The following ATP6V0E1 variants were observed in gnomAD, a reference collection of about 807,000 sequenced individuals.
ATP6V0E1 encodes the protein V-type proton ATPase subunit e 1.
Under a neutral mutation model 11.6 loss-of-function variants are expected in ATP6V0E1, and 4 were observed. The ratio of observed to expected loss-of-function variants is 0.35; its 90% CI spans 0.17 to 0.79. ATP6V0E1 has a LOEUF of 0.79. Ranked by LOEUF, ATP6V0E1 falls within the 30% of genes least tolerant of loss-of-function variation. The probability of loss-of-function intolerance (pLI) is 0.54; values close to 1 mark genes in which losing one functional copy is unlikely to be tolerated. For missense variants in ATP6V0E1, 105 were observed against 100.0 expected (o/e 1.05, Z -0.21); for synonymous variants, 36 against 34.8 (o/e 1.04, Z -0.13).
chr5:173,004,063 T>C (rs1756194529), intron 2 of ATP6V0E1, among the ~76,000 whole-genome samples: 1 of 151,474 alleles, frequency 6.6e-6, no homozygotes, highest in South Asian at 2.1e-4. Flanking sequence ...AGGGAAGGGG[T>C]AGGAGAGAAA....
chr5:173,007,892 C>G (rs555817822), intron 2 of ATP6V0E1, among the ~76,000 whole-genome samples: 4 of 152,178 alleles, frequency 2.6e-5, no homozygotes, highest in Non-Finnish European at 5.9e-5. Flanking sequence ...GTGGGAGTCC[C>G]TGTCCCCATA....
At chr5:173,025,178 T>G (rs1251634965) in intron 3 of ATP6V0E1, among the ~76,000 whole-genome samples, 1 of 144,892 alleles carries the variant, frequency 6.9e-6, no homozygotes, top group Non-Finnish European at 1.5e-5. Flanking sequence ...GACAGAGTCC[T>G]GCTCTGTTGC....
At chr5:172,993,753 C>A (rs1756021816) in intron 1 of ATP6V0E1, among the ~76,000 whole-genome samples, 1 of 137,786 alleles carries the variant, frequency 7.3e-6, no homozygotes, top group South Asian at 2.4e-4. Flanking sequence ...CACCAGTAGT[C>A]CTAGCTGCTC....
intron 3 of ATP6V0E1, 51 bp downstream of exon 3, chr5:173,020,418 T>G: frequency 1.7e-6 from 2 of 1,169,012 alleles, no homozygotes; most frequent in South Asian, 2.8e-5. Flanking sequence ...AGTCAGAGTT[T>G]GCCTTGACTT....
At chr5:173,031,008 G>A (rs1356297314) in intron 3 of ATP6V0E1, among the ~76,000 whole-genome samples, 2 of 151,522 alleles carry the variant, frequency 1.3e-5, no homozygotes, top group Non-Finnish European at 2.9e-5. Context: ...GCAGTGGTGC[G>A]ATCTCCGCTC....
intron 3 of ATP6V0E1, among the ~76,000 whole-genome samples, chr5:173,023,448 G>A (rs1278056397): frequency 6.6e-6 from 1 of 152,182 alleles, no homozygotes; most frequent in Non-Finnish European, 1.5e-5. Flanking sequence ...CACCCGCCTA[G>A]GCCTCCCAAA....
intron 1 of ATP6V0E1, among the ~76,000 whole-genome samples, chr5:172,985,244 CAAAA>C (rs59381222): frequency 2.2e-5 from 2 of 89,436 alleles, no homozygotes; most frequent in African/African-American, 3.7e-5. Context: ...GACTCCGTCT[CAAAA>C]AAAAAAAAAA....
intron 2 of ATP6V0E1, among the ~76,000 whole-genome samples, chr5:173,001,771 T>A (rs1581628085): frequency 6.6e-6 from 1 of 151,116 alleles, no homozygotes; most frequent in Non-Finnish European, 1.5e-5. Flanking sequence ...CAGGCTAGAG[T>A]GCAATGGCTG....
intron 3 of ATP6V0E1, among the ~76,000 whole-genome samples, chr5:173,032,455 A>AT (rs1169484504): frequency 6.6e-6 from 1 of 151,338 alleles, no homozygotes; most frequent in Non-Finnish European, 1.5e-5. Flanking sequence ...CAGCTGGCTA[A>AT]TTTTTTTGTA....
chr5:173,034,372 A>T, intron 3 of ATP6V0E1, 27 bp from the exon 4 acceptor site: 1 of 702,934 alleles, frequency 1.4e-6, no homozygotes, highest in Non-Finnish European at 2.6e-6. Context: ...TATGAGGACC[A>T]GTTACCAGAA....
At chr5:172,985,596 C>G (rs542703898) in intron 1 of ATP6V0E1, among the ~76,000 whole-genome samples, 32 of 152,320 alleles carry the variant, frequency 2.1e-4, no homozygotes, top group South Asian at 2.1e-4. Context: ...TCAACTGTTT[C>G]ATTACCCTAC....
chr5:173,021,494 TG>T (rs1756484533), intron 3 of ATP6V0E1, among the ~76,000 whole-genome samples: 1 of 152,094 alleles, frequency 6.6e-6, no homozygotes, highest in South Asian at 2.1e-4. Flanking sequence ...GAGAACAGTA[TG>T]GGGGAACTGC....
At chr5:172,996,952 C>CT (rs56185500) in intron 2 of ATP6V0E1, among the ~76,000 whole-genome samples, 141,594 of 145,404 alleles carry the variant, frequency 0.97, 68,972 homozygotes, top group East Asian at 0.99. Context: ...GGAATTTTTT[C>CT]TTTTTTTTTT....
chr5:173,010,852 A>G (rs1244327118), intron 2 of ATP6V0E1, among the ~76,000 whole-genome samples: 1 of 152,164 alleles, frequency 6.6e-6, no homozygotes, highest in Non-Finnish European at 1.5e-5. Flanking sequence ...CTGTTCTTAT[A>G]TCTGAATGTG....
At chr5:173,000,746 G>A (rs985036106) in intron 2 of ATP6V0E1, among the ~76,000 whole-genome samples, 1 of 150,006 alleles carries the variant, frequency 6.7e-6, no homozygotes, top group East Asian at 1.9e-4. Flanking sequence ...TGTCGACCAG[G>A]CTGGAGTGCA....
chr5:172,996,756 C>T (rs1756073275), intron 2 of ATP6V0E1, among the ~76,000 whole-genome samples: 1 of 152,050 alleles, frequency 6.6e-6, no homozygotes, highest in African/African-American at 2.4e-5. Context: ...TAAGGCATAA[C>T]ACATATGTTA....
At chr5:172,988,663 A>G (rs890537930) in intron 1 of ATP6V0E1, among the ~76,000 whole-genome samples, 3 of 152,132 alleles carry the variant, frequency 2.0e-5, no homozygotes, top group Non-Finnish European at 2.9e-5. Flanking sequence ...AGGATACGTG[A>G]AGGAGCTGAA....
At chr5:173,020,856 C>T (rs990913004) in intron 3 of ATP6V0E1, 1 of 519,992 alleles carries the variant, frequency 1.9e-6, no homozygotes, top group Non-Finnish European at 3.8e-6. Context: ...TGGTGCAAGA[C>T]AGAGCTGTGC....
chr5:172,994,764 T>G lies in ATP6V0E1; in HGVS notation c.105-11T>G. ...TTATTTAATGACATTTGCATTTTTT[T>G]TTTTTTTTAGAGTTATCATTACCAT... On this transcript the variant is annotated splice_polypyrimidine_tract_variant and intron_variant, in intron 1 of 3. Coordinates refer to ENST00000519374, the MANE Select transcript of ATP6V0E1 (RefSeq NM_003945.4). 1 of 1,587,676 alleles carries G rather than the reference T, an allele frequency of 6.3e-7. No individual in the cohort carries two copies. The highest frequency in any genetic ancestry group is 8.5e-7 in the Non-Finnish European group (1 of 1,169,908).
Sources: allele counts gnomAD v4.1 joint callset (sites outside exome capture counted in the v4.1 genomes callset), GRCh38; gene constraint gnomAD v4.1.1; transcripts MANE v1.5; gene names NCBI Gene and HGNC (gene_info 2026-07-23, HGNC 2026-07-21).